The following ZNF829 variants were observed in gnomAD, a reference collection of about 807,000 sequenced individuals.
ZNF829 encodes the protein zinc finger protein 829.
Under a neutral mutation model 35.2 loss-of-function variants are expected in ZNF829, and 25 were observed. The observed-to-expected ratio is 0.71, with a 90% CI of 0.52 to 0.99. The LOEUF is 0.99. Among genes scored for constraint, ZNF829 ranks in the 50% least tolerant of loss-of-function variants. ZNF829 has a pLI of 0.00. For missense variants in ZNF829, 417 were observed against 515.3 expected (o/e 0.81, Z 1.85); for synonymous variants, 136 against 163.2 (o/e 0.83, Z 1.27).
Position 36,916,225 on chromosome 19 carries a change from A to G in ZNF829, c.-299T>C, listed in dbSNP as rs1425767522. 7.6e-6 allele frequency: 3 copies of G among 394,636 alleles called. No homozygotes were observed. The highest frequency in any genetic ancestry group is 3.9e-5 in the South Asian group (1 of 25,420). 24.4% of individuals were successfully genotyped at this position (394,636 alleles called of 1,614,324 possible). A position where few individuals can be genotyped will look rare whatever the true frequency, so the allele number is the denominator to read the frequency against. On this transcript the variant is annotated 5_prime_UTR_variant, in exon 1 of 6. Transcript: ENST00000391711. This position sits in a 1 kb window ranked among gnomAD's most constrained non-coding sequence, Gnocchi z 5.3. ...TTGCGGGTCGCCGTAGCGCTGCGCA[A>G]TGGAGATGAGCCTCCCGGGGAACCC...
At position 36,891,723 on chromosome 19, in the gene ZNF829, T is replaced by C; in HGVS notation, c.1068A>G (p.Glu356=). Residue 356 remains glutamate, a synonymous_variant, in exon 6 of 6, where the codon GAA becomes GAG. Transcript: ENST00000391711. ...HAGEKLYECE[E]CRKAFIQSSE... is the part of the protein sequence containing the mutation. ...AGCTCTGAATAAAGGCCTTTCTACA[T>C]TCTTCACATTCATAGAGCTTCTCAC... 1 of 1,614,170 alleles carries C rather than the reference T, an allele frequency of 6.2e-7. No individual in the cohort carries two copies. Among genetic ancestry groups the C allele is most frequent in the Non-Finnish European group, 8.5e-7 (1 of 1,180,018 alleles).
chr19:36,911,568 A>G (rs2073265030), intron 3 of ZNF829, among the ~76,000 whole-genome samples: 1 of 152,106 alleles, frequency 6.6e-6, no homozygotes, highest in Non-Finnish European at 1.5e-5. Flanking sequence ...CAGTTAAACT[A>G]TAGGACACTC....
In ZNF829 at chr19:36,905,655, C is replaced by G. The variant is rs1370327807; in HGVS notation, c.319+2274G>C. ...GTTTCACCATGTTGCCCAGGCTGGT[C>G]TTGAACTCCTGACCCCAGGTGATCC... On this transcript the variant is annotated intron_variant, in intron 5 of 5. Transcript: ENST00000391711. 2.0e-5 allele frequency: 3 copies of G among 152,274 alleles called. No homozygotes were observed. The East Asian group carries it at 5.8e-4, about 29-fold the overall frequency. 9.4% of individuals were successfully genotyped at this position (152,274 alleles called of 1,614,324 possible). A position where few individuals can be genotyped will look rare whatever the true frequency, so the allele number is the denominator to read the frequency against.
rs566956525 is a variant in ZNF829, at chr19:36,890,730, C to T, written c.*762G>A. ...AATTAGCCGGGCATGGTGGCGCATG[C>T]CTGTAATCCCAACTACTTGAGAGGC... On this transcript the variant is annotated 3_prime_UTR_variant, in exon 6 of 6. Coordinates refer to ENST00000391711, the MANE Select transcript of ZNF829 (RefSeq NM_001037232.4). 1 of 151,350 alleles carries T rather than the reference C, an allele frequency of 6.6e-6. No homozygotes were observed. The highest frequency in any genetic ancestry group is 6.6e-5 in the Admixed American group (1 of 15,162). 9.4% of individuals were successfully genotyped at this position (151,350 alleles called of 1,614,324 possible). A position where few individuals can be genotyped will look rare whatever the true frequency, so the allele number is the denominator to read the frequency against.
At chr19:36,902,356 C>T (rs1368944746) in intron 5 of ZNF829, among the ~76,000 whole-genome samples, 6 of 152,152 alleles carry the variant, frequency 3.9e-5, no homozygotes, top group South Asian at 2.1e-4. Context: ...AAAACTAGGC[C>T]GGGTGCTGTG....
chr19:36,902,433 G>A (rs996655320), intron 5 of ZNF829, among the ~76,000 whole-genome samples: 3 of 151,662 alleles, frequency 2.0e-5, no homozygotes, highest in African/African-American at 4.8e-5. Flanking sequence ...TTAGGAGTTC[G>A]AGACCAGCCT....
chr19:36,912,776 C>T (rs1425557223), intron 3 of ZNF829: 1 of 152,178 alleles, frequency 6.6e-6, no homozygotes. Context: ...ATGGGCAGAT[C>T]ACCTGAGGTT....
Position 36,908,462 on chromosome 19 carries a change from GAAACAACA to G in ZNF829, c.97-11_97-4del, listed in dbSNP as rs772604968. ...ACATCCCTGAACATCACCGGCCCCTGAAACAACAAACATGCTTTCACAATGAAAGGAGA... is the reference window on the plus strand; with the variant it reads ...ACATCCCTGAACATCACCGGCCCCTGAACATGCTTTCACAATGAAAGGAGA... On this transcript the variant is annotated splice_polypyrimidine_tract_variant and splice_region_variant and intron_variant, in intron 3 of 5. Transcript: ENST00000391711. 1 of 1,590,198 alleles carries G rather than the reference GAAACAACA, an allele frequency of 6.3e-7. No homozygotes were observed. Among genetic ancestry groups the G allele is most frequent in the Admixed American group, 1.8e-5 (1 of 54,736 alleles).
chr19:36,909,580 A>T (rs538521702), intron 3 of ZNF829, among the ~76,000 whole-genome samples: 1 of 152,156 alleles, frequency 6.6e-6, no homozygotes, highest in East Asian at 1.9e-4. Context: ...AGGCCGAGGC[A>T]GGAGGATCAC....
chr19:36,906,303 G>C (rs556364987), intron 5 of ZNF829: 2 of 152,256 alleles, frequency 1.3e-5, no homozygotes, highest in African/African-American at 4.8e-5. Context: ...GGTATAAAGT[G>C]GTGGGAGATA....
chr19:36,902,800 C>T (rs1208527756), intron 5 of ZNF829, among the ~76,000 whole-genome samples: 2 of 152,126 alleles, frequency 1.3e-5, no homozygotes, highest in Non-Finnish European at 2.9e-5. Flanking sequence ...CTTTGGGAGG[C>T]CAAGGCGGGT....
At chr19:36,897,556 T>G (rs182114575) in intron 5 of ZNF829, among the ~76,000 whole-genome samples, 1 of 152,188 alleles carries the variant, frequency 6.6e-6, no homozygotes, top group Non-Finnish European at 1.5e-5. Flanking sequence ...CATAACATAA[T>G]AAAGACCATA....
rs1015372091 is a variant in ZNF829, at chr19:36,909,503, G to A, written c.97-1044C>T. Among the ~76,000 whole-genome samples the A allele has an allele frequency of 7.9e-5, 12 of 152,110 alleles. 1 individual carries two copies. The highest frequency in any genetic ancestry group is 3.9e-4 in the Admixed American group (6 of 15,258). On this transcript the variant is annotated intron_variant, in intron 3 of 5. Coordinates refer to ENST00000391711, the MANE Select transcript of ZNF829 (RefSeq NM_001037232.4). ...CTGCAAGGTCCTAATCACAGGGATA[G>A]CAATGATTGAAAGAAAAATTATGAG...
At chr19:36,893,101 A>T in intron 5 of ZNF829, 1 of 397,870 alleles carries the variant, frequency 2.5e-6, no homozygotes. Flanking sequence ...AGGACTGTTA[A>T]GAATAACAAA....
At position 36,892,426 on chromosome 19, in the gene ZNF829, C is replaced by T. The variant is rs188677477; in HGVS notation, c.365G>A (p.Arg122Lys). ...GGTAATTATTACTTGACTGAAATGTCTCTTCTTTAGAGATAATATTTTGGT... is the reference window on the plus strand; with the variant it reads ...GGTAATTATTACTTGACTGAAATGTTTCTTCTTTAGAGATAATATTTTGGT... ...CETKILSLKKRHFSQVIITRE... is the reference protein window; with the variant it reads ...CETKILSLKKKHFSQVIITRE... The change falls in exon 6 of 6, where the codon AGA becomes AAA. Residue 122 changes from arginine to lysine, a missense_variant. Coordinates refer to ENST00000391711, the MANE Select transcript of ZNF829 (RefSeq NM_001037232.4). The T allele has an allele frequency of 2.1e-5, 33 of 1,607,928 alleles. No individual in the cohort carries two copies. The highest frequency in any genetic ancestry group is 2.8e-5 in the Non-Finnish European group (33 of 1,179,378).
At position 36,890,487 on chromosome 19, in the gene ZNF829, T is replaced by C. The variant is rs1600725967; in HGVS notation, c.*1005A>G. ...TATTTAGGATTGTTTTATCTTCTTG[T>C]TGAATTTATCCTTTATCATTATAAA... is the stretch of plus-strand genomic sequence containing the variant. On this transcript the variant is annotated 3_prime_UTR_variant, in exon 6 of 6. Transcript: ENST00000391711. The C allele has an allele frequency of 1.3e-5, 2 of 152,264 alleles. No homozygotes were observed. Among genetic ancestry groups the C allele is most frequent in the Non-Finnish European group, 2.9e-5 (2 of 68,032 alleles). 9.4% of individuals were successfully genotyped at this position (152,264 alleles called of 1,614,324 possible).
At chr19:36,915,981 C>G (rs569323874) in intron 1 of ZNF829, 30 bp downstream of exon 1, 261 of 1,505,218 alleles carry the variant, frequency 1.7e-4, no homozygotes, top group Middle Eastern at 1.5e-3. Context: ...CAGACCTGAG[C>G]CAGTTCTCCT....
chr19:36,915,972 A>G (rs1443645373), intron 1 of ZNF829, 39 bp downstream of exon 1: 22 of 1,525,218 alleles, frequency 1.4e-5, no homozygotes. Context: ...GGGAACTTGC[A>G]GACCTGAGCC....
chr19:36,911,427 T>C (rs890426177), intron 3 of ZNF829, among the ~76,000 whole-genome samples: 1 of 151,974 alleles, frequency 6.6e-6, no homozygotes, highest in Non-Finnish European at 1.5e-5. Flanking sequence ...GTCCAGGCTG[T>C]TCTCAAACTC....
Sources: allele counts gnomAD v4.1 joint callset (sites outside exome capture counted in the v4.1 genomes callset), GRCh38; gene constraint gnomAD v4.1.1; non-coding constraint Gnocchi (gnomAD v3.1); transcripts MANE v1.5; gene names NCBI Gene and HGNC (gene_info 2026-07-23, HGNC 2026-07-21).